AKR1C8: variants seen among roughly 807,000 people sequenced by gnomAD.
AKR1C8 encodes the protein aldo-keto reductase family 1 member C-like protein 1.
chr10:5,160,103 A>G, the AKR1C8 span: 75 of 280,824 alleles, frequency 2.7e-4, 8 homozygotes, highest in Middle Eastern at 4.0e-3. Flanking sequence ...TTTAACATAT[A>G]TAAATATTAG....
the AKR1C8 span, chr10:5,161,785 A>G: frequency 0.23 from 120,860 of 534,598 alleles, 14,188 homozygotes; most frequent in African/African-American, 0.25. Flanking sequence ...CCAAGCTAGA[A>G]TTAGATAATT....
chr10:5,138,445 G>T, the AKR1C8 span, among the ~76,000 whole-genome samples: 2 of 152,034 alleles, frequency 1.3e-5, no homozygotes, highest in Non-Finnish European at 2.9e-5. Context: ...CCTTATGGTT[G>T]TCTTCCCTTG....
chr10:5,116,994 C>T, the AKR1C8 span, among the ~76,000 whole-genome samples: 3 of 152,120 alleles, frequency 2.0e-5, no homozygotes, highest in Non-Finnish European at 4.4e-5. Flanking sequence ...TGTGATGATT[C>T]GTAGAATTCT....
At chr10:5,132,222 G>A in the AKR1C8 span, among the ~76,000 whole-genome samples, 2 of 152,110 alleles carry the variant, frequency 1.3e-5, no homozygotes, top group Non-Finnish European at 2.9e-5. Flanking sequence ...CCTACATATT[G>A]AGTACAGTGT....
the AKR1C8 span, among the ~76,000 whole-genome samples, chr10:5,143,061 A>T: frequency 2.6e-5 from 4 of 152,112 alleles, no homozygotes; most frequent in African/African-American, 9.7e-5. Context: ...ATTAAGCAGT[A>T]TGCCAATACA....
the AKR1C8 span, among the ~76,000 whole-genome samples, chr10:5,127,182 A>G: frequency 1.3e-5 from 2 of 152,164 alleles, no homozygotes; most frequent in Non-Finnish European, 2.9e-5. Context: ...ACTCAACAAG[A>G]TATCACAGAA....
At chr10:5,134,684 T>A in the AKR1C8 span, among the ~76,000 whole-genome samples, 1 of 152,160 alleles carries the variant, frequency 6.6e-6, no homozygotes, top group African/African-American at 2.4e-5. Context: ...AGCTCAGCAA[T>A]ACTCTCCCTA....
the AKR1C8 span, among the ~76,000 whole-genome samples, chr10:5,135,378 G>A: frequency 3.9e-5 from 6 of 152,254 alleles, no homozygotes; most frequent in East Asian, 9.7e-4. Context: ...AAGTGATGGT[G>A]TATTACACAG....
chr10:5,117,567 TC>T, the AKR1C8 span, among the ~76,000 whole-genome samples: 2 of 152,136 alleles, frequency 1.3e-5, no homozygotes, highest in African/African-American at 4.8e-5. Context: ...ACTGTCTTAG[TC>T]CATTGTGTTG....
chr10:5,172,357 GT>G, the AKR1C8 span, among the ~76,000 whole-genome samples: 1 of 151,866 alleles, frequency 6.6e-6, no homozygotes, highest in African/African-American at 2.4e-5. Context: ...ACCACATAAG[GT>G]TTTTTAAATA....
the AKR1C8 span, among the ~76,000 whole-genome samples, chr10:5,137,070 A>T: frequency 6.6e-6 from 1 of 152,226 alleles, no homozygotes; most frequent in Non-Finnish European, 1.5e-5. Flanking sequence ...GTCTAAGGAA[A>T]CAATATACAT....
the AKR1C8 span, among the ~76,000 whole-genome samples, chr10:5,172,978 C>T: frequency 1.3e-5 from 2 of 151,960 alleles, no homozygotes; most frequent in Admixed American, 6.6e-5. Flanking sequence ...ATTTTTAGGG[C>T]CTAATAAACA....
the AKR1C8 span, among the ~76,000 whole-genome samples, chr10:5,158,444 C>T: frequency 6.6e-6 from 1 of 152,192 alleles, no homozygotes; most frequent in Non-Finnish European, 1.5e-5. Context: ...GACATTTAAG[C>T]TCAGTAGTGA....
the AKR1C8 span, among the ~76,000 whole-genome samples, chr10:5,176,325 C>T: frequency 7.4e-6 from 1 of 135,170 alleles, no homozygotes; most frequent in Non-Finnish European, 1.7e-5. Flanking sequence ...CTGTTCTGTT[C>T]CACTGATCTA....
chr10:5,144,283 A>G, the AKR1C8 span, among the ~76,000 whole-genome samples: 3 of 152,052 alleles, frequency 2.0e-5, no homozygotes, highest in Non-Finnish European at 4.4e-5. Flanking sequence ...GTAGCCTTGT[A>G]GTATAGTTTG....
chr10:5,147,821 T>A, the AKR1C8 span, among the ~76,000 whole-genome samples: 9,305 of 152,252 alleles, frequency 0.061, 347 homozygotes, highest in Middle Eastern at 0.082. Flanking sequence ...GGTCTGTGAT[T>A]CTGGGATCTG....
the AKR1C8 span, chr10:5,157,708 C>T: frequency 7.2e-5 from 34 of 472,618 alleles, no homozygotes; most frequent in Admixed American, 4.7e-5. Context: ...CAGCTGGTAG[C>T]GCAGGGCGAC....
At chr10:5,173,998 T>G in the AKR1C8 span, among the ~76,000 whole-genome samples, 180 of 152,060 alleles carry the variant, frequency 1.2e-3, 1 homozygote, top group African/African-American at 4.2e-3. Flanking sequence ...TATATACACA[T>G]ACACAACAAA....
the AKR1C8 span, among the ~76,000 whole-genome samples, chr10:5,126,222 T>C: frequency 6.6e-6 from 1 of 152,154 alleles, no homozygotes; most frequent in Non-Finnish European, 1.5e-5. Context: ...AAGCTCTGCA[T>C]GGGTACACCT....
Sources: gnomAD v4.1 joint callset for allele counts (sites outside exome capture counted in the v4.1 genomes callset) on GRCh38, gnomAD v4.1.1 for gene constraint, MANE v1.5 for transcripts, NCBI Gene and HGNC (gene_info 2026-07-23, HGNC 2026-07-21) for gene names.